Variants in GRAMD2A observed in about 807,000 individuals in gnomAD.
GRAMD2A encodes the protein GRAM domain-containing protein 2A.
Under a neutral mutation model 51.1 loss-of-function variants are expected in GRAMD2A, and 37 were observed. The ratio of observed to expected loss-of-function variants is 0.72; its 90% CI spans 0.56 to 0.95. GRAMD2A has a LOEUF of 0.95. Among genes scored for constraint, GRAMD2A ranks in the 40% least tolerant of loss-of-function variants. The pLI is 0.00. For synonymous variants in GRAMD2A, 136 were observed against 157.1 expected (o/e 0.87, Z 1.01); for missense variants, 414 against 426.9 (o/e 0.97, Z 0.27).
rs2081604040 is a variant in GRAMD2A at position 72,170,906 on chromosome 15, C to T, written c.42-967G>A. Among the ~76,000 whole-genome samples, 1 of 152,214 alleles carries T rather than the reference C, an allele frequency of 6.6e-6. No individual in the cohort carries two copies. Among genetic ancestry groups the T allele is most frequent in the South Asian group, 2.1e-4 (1 of 4,834 alleles). On this transcript the variant is annotated intron_variant, in intron 1 of 11. Transcript: ENST00000309731. This position sits in a 1 kb window ranked among gnomAD's most constrained non-coding sequence, Gnocchi z 4.5. ...TCTCAATGCTCAGTCACCCTCCGCT[C>T]TGTGACTGAGGCCAGCCAAAGTTCT...
At chr15:72,187,920 T>G (rs1024294622) in intron 1 of GRAMD2A, among the ~76,000 whole-genome samples, 1 of 152,232 alleles carries the variant, frequency 6.6e-6, no homozygotes, top group Non-Finnish European at 1.5e-5. Context: ...CTCACATACT[T>G]GTATGTTACG....
intron 1 of GRAMD2A, among the ~76,000 whole-genome samples, chr15:72,171,233 C>G (rs1319626108): frequency 6.6e-6 from 1 of 151,890 alleles, no homozygotes; most frequent in Non-Finnish European, 1.5e-5. Context: ...ATTTGACTCT[C>G]AAAGTTGATT....
At chr15:72,169,705 C>G (rs1313684155) in intron 2 of GRAMD2A, 142 bp downstream of exon 2, 4 of 714,394 alleles carry the variant, frequency 5.6e-6, no homozygotes, top group African/African-American at 1.7e-5. Flanking sequence ...GAGGAAGAAG[C>G]CTGGGGCAGC....
rs745804649 is a variant in GRAMD2A, at chr15:72,166,989, C to T, written c.471+5G>A. The T allele has an allele frequency of 1.9e-6, 3 of 1,610,848 alleles. No individual in the cohort carries two copies. Among genetic ancestry groups the T allele is most frequent in the Non-Finnish European group, 2.5e-6 (3 of 1,177,046 alleles). ...GACAAGGGAGCATGGGCCCAGTGCA[C>T]TGACCTTCTGGCTGGTGTTGGTGGT... On this transcript the variant is annotated splice_donor_5th_base_variant and intron_variant, in intron 6 of 11. Coordinates refer to ENST00000309731, the MANE Select transcript of GRAMD2A (RefSeq NM_001012642.3). The surrounding 1 kb of genome is among the most constrained non-coding windows in gnomAD (Gnocchi z 4.1).
At chr15:72,165,985 C>T (rs909114217) in intron 7 of GRAMD2A, among the ~76,000 whole-genome samples, 3 of 152,102 alleles carry the variant, frequency 2.0e-5, no homozygotes, top group Admixed American at 1.3e-4. Flanking sequence ...TCTCCTGCCT[C>T]ATCCTCCCAA....
Position 72,166,546 on chromosome 15 carries a change from T to C in GRAMD2A, c.543+86A>G, listed in dbSNP as rs1422187175. 4 of 960,390 alleles carry C rather than the reference T, an allele frequency of 4.2e-6. No individual in the cohort carries two copies. The allele number at this position is 960,390 out of a possible 1,614,324, so 59.5% of individuals were successfully genotyped here. The stretch of plus-strand genomic sequence containing the variant: ...TGCCCCATTCCCTGTGCTGGAGAGA[T>C]GGGCGACCTCCCCCAACACCCTTGT... On this transcript the variant is annotated intron_variant, in intron 7 of 11. Coordinates refer to ENST00000309731, the MANE Select transcript of GRAMD2A (RefSeq NM_001012642.3). The surrounding 1 kb of genome is among the most constrained non-coding windows in gnomAD (Gnocchi z 4.1).
chr15:72,188,971 C>A lies in GRAMD2A; in HGVS notation c.41+8760G>T, dbSNP rs541070048. Among the ~76,000 whole-genome samples, 395 of 152,260 alleles carry A rather than the reference C, an allele frequency of 2.6e-3. 3 individuals are homozygous for A. The highest frequency in any genetic ancestry group is 5.0e-3 in the South Asian group (24 of 4,828). ...GTGCTGGGATTACAGGTGTGGGCCACCATGCCCAGCCTTTAAGAGCTTTAT... is the reference window on the plus strand; with the variant it reads ...GTGCTGGGATTACAGGTGTGGGCCAACATGCCCAGCCTTTAAGAGCTTTAT... On this transcript the variant is annotated intron_variant, in intron 1 of 11. Coordinates refer to ENST00000309731, the MANE Select transcript of GRAMD2A (RefSeq NM_001012642.3).
chr15:72,193,689 A>AT (rs1472757082), intron 1 of GRAMD2A, among the ~76,000 whole-genome samples: 2 of 150,788 alleles, frequency 1.3e-5, no homozygotes, highest in African/African-American at 4.9e-5. Flanking sequence ...TGCCTGGCTA[A>AT]TTTTTTTTCT....
intron 1 of GRAMD2A, among the ~76,000 whole-genome samples, chr15:72,186,913 G>A (rs1475708589): frequency 6.6e-6 from 1 of 151,586 alleles, no homozygotes; most frequent in Non-Finnish European, 1.5e-5. Flanking sequence ...TTGAGAAGCC[G>A]AGACAGGTGG....
chr15:72,196,653 G>A (rs1357254149), intron 1 of GRAMD2A, among the ~76,000 whole-genome samples: 1 of 152,218 alleles, frequency 6.6e-6, no homozygotes, highest in Non-Finnish European at 1.5e-5. Context: ...GCCGGCTACA[G>A]GTGGACATGG....
intron 1 of GRAMD2A, among the ~76,000 whole-genome samples, chr15:72,191,806 T>C (rs2081769868): frequency 6.6e-6 from 1 of 152,108 alleles, no homozygotes; most frequent in Non-Finnish European, 1.5e-5. Context: ...AGCCTGTTTT[T>C]TTCAACAAAT....
chr15:72,196,199 C>T (rs2081803854), intron 1 of GRAMD2A, among the ~76,000 whole-genome samples: 1 of 152,184 alleles, frequency 6.6e-6, no homozygotes, highest in Middle Eastern at 3.4e-3. Flanking sequence ...TGGTCTCCAG[C>T]CAGCCTGATC....
chr15:72,194,977 C>T (rs888167350), intron 1 of GRAMD2A, among the ~76,000 whole-genome samples: 3 of 152,186 alleles, frequency 2.0e-5, no homozygotes, highest in East Asian at 1.9e-4. Context: ...TGTGAGCCGC[C>T]GCGCCCGGCT....
Position 72,163,478 on chromosome 15 carries a change from T to C in GRAMD2A, c.746-2A>G. The C allele has an allele frequency of 6.2e-7, 1 of 1,612,990 alleles. No individual in the cohort carries two copies. Among genetic ancestry groups the C allele is most frequent in the Non-Finnish European group, 8.5e-7 (1 of 1,179,440 alleles). ...AAGCTACTTGGGCTCTTGACTTTTCTTTATGGATTGGGAGAAAAAAAAAAT... is the reference window on the plus strand; with the variant it reads ...AAGCTACTTGGGCTCTTGACTTTTCCTTATGGATTGGGAGAAAAAAAAAAT... On this transcript the variant is annotated splice_acceptor_variant, in intron 9 of 11. Coordinates refer to ENST00000309731, the MANE Select transcript of GRAMD2A (RefSeq NM_001012642.3). LOFTEE classifies it high-confidence loss of function.
In GRAMD2A at chr15:72,161,778, G is replaced by A. The variant is rs2081478400; in HGVS notation, c.*231C>T. ...TCCTCAGTTGGTTCCAAAAAATCTG[G>A]CTTTTTGCTTGAGTCCAAAAATTGT... On this transcript the variant is annotated 3_prime_UTR_variant, in exon 12 of 12. Transcript: ENST00000309731. The A allele has an allele frequency of 1.9e-6, 1 of 535,902 alleles. No individual in the cohort carries two copies. The highest frequency in any genetic ancestry group is 1.9e-5 in the African/African-American group (1 of 52,340). 33.2% of individuals were successfully genotyped at this position (535,902 alleles called of 1,614,324 possible).
chr15:72,175,651 C>G (rs2081647142), intron 1 of GRAMD2A: 1 of 152,364 alleles, frequency 6.6e-6, no homozygotes. Context: ...AGCAGAGGGG[C>G]TCATCCCTCT....
chr15:72,171,831 TTTTA>T (rs1385071444), intron 1 of GRAMD2A, among the ~76,000 whole-genome samples: 1 of 88,028 alleles, frequency 1.1e-5, no homozygotes, highest in African/African-American at 3.0e-5. Flanking sequence ...TTTCTGGCTT[TTTTA>T]TTTTTTTTTT....
chr15:72,182,722 T>G (rs1431472552), intron 1 of GRAMD2A, among the ~76,000 whole-genome samples: 1 of 152,124 alleles, frequency 6.6e-6, no homozygotes, highest in African/African-American at 2.4e-5. Flanking sequence ...TGAATCCACT[T>G]AAATTGGGTA....
intron 1 of GRAMD2A, among the ~76,000 whole-genome samples, chr15:72,187,491 A>T (rs1480202579): frequency 1.3e-5 from 2 of 151,956 alleles, no homozygotes; most frequent in Admixed American, 1.3e-4. Flanking sequence ...ACTAAAAAAA[A>T]AACAACAGTA....
Sources: allele counts gnomAD v4.1 joint callset (sites outside exome capture counted in the v4.1 genomes callset), GRCh38; gene constraint gnomAD v4.1.1; non-coding constraint Gnocchi (gnomAD v3.1); transcripts MANE v1.5; gene names NCBI Gene and HGNC (gene_info 2026-07-23, HGNC 2026-07-21).